The following ITCH variants were observed in gnomAD, a reference collection of about 807,000 sequenced individuals.
ITCH encodes itchy E3 ubiquitin protein ligase.
Under a neutral mutation model 126.8 loss-of-function variants are expected in ITCH, and 28 were observed. The ratio of observed to expected loss-of-function variants is 0.22; its 90% confidence interval spans 0.16 to 0.30. The LOEUF (loss-of-function observed/expected upper bound fraction) is 0.30. ITCH is among the 10% of genes least tolerant of loss of function. ITCH has a pLI of 1.00. For missense variants in ITCH, 631 were observed against 1,032.4 expected, an observed-to-expected ratio of 0.61 and a Z score of 5.33; for synonymous variants, 342 against 340.0, an observed-to-expected ratio of 1.01 and a Z score of -0.06.
chr20:34,405,705 A>G, intron 3 of ITCH, among the ~76,000 whole-genome samples: 1 of 152,208 alleles, frequency 6.6e-6, no homozygotes, highest in South Asian at 2.1e-4. Context: ...AAAAGTAGAA[A>G]TTTTATGTTT....
rs60272162 is a variant in ITCH, at chr20:34,416,911, C to CTT, written c.475+3046_475+3047dup. 6.0e-3 allele frequency among the ~76,000 whole-genome samples: 799 copies of CTT among 132,390 alleles called. 8 individuals are homozygous for CTT. The highest frequency in any genetic ancestry group is 8.0e-3 in the Non-Finnish European group (504 of 62,944). The allele number at this position is 132,390 out of a possible 152,430, so 86.9% of individuals were successfully genotyped here. ...GAGGTCTTCCTAGACCTCTTCCTAG[C>CTT]TTTTTTTTTTTTTTTGAGACGGAGT... On this transcript the variant is annotated intron_variant, in intron 6 of 24. Coordinates refer to ENST00000374864, the MANE Select transcript of ITCH (RefSeq NM_031483.7).
At chr20:34,441,100 A>G (rs56407288) in intron 9 of ITCH, among the ~76,000 whole-genome samples, 2 of 151,794 alleles carry the variant, frequency 1.3e-5, no homozygotes, top group African/African-American at 4.8e-5. Flanking sequence ...CTGAAACCCC[A>G]TCTCTACTAA....
chr20:34,385,872 G>A (rs1033096813), intron 2 of ITCH, among the ~76,000 whole-genome samples: 1 of 152,138 alleles, frequency 6.6e-6, no homozygotes, highest in African/African-American at 2.4e-5. Flanking sequence ...GGTAGAGAAT[G>A]GTTCATATTC....
intron 2 of ITCH, among the ~76,000 whole-genome samples, chr20:34,377,231 G>A (rs780853338): frequency 3.3e-5 from 5 of 152,034 alleles, no homozygotes; most frequent in East Asian, 1.9e-4. Flanking sequence ...AAAATTAGCC[G>A]GGTGTGGTGT....
intron 12 of ITCH, among the ~76,000 whole-genome samples, chr20:34,455,667 G>A (rs912189683): frequency 4.0e-5 from 6 of 150,570 alleles, no homozygotes; most frequent in Non-Finnish European, 5.9e-5. Context: ...TAGTAGAGAC[G>A]GGGTTTCACC....
At chr20:34,413,657 A>AT (rs1979383433) in intron 5 of ITCH, 85 bp from the exon 6 acceptor site, 2 of 1,267,538 alleles carry the variant, frequency 1.6e-6, no homozygotes, top group South Asian at 2.9e-5. Context: ...CGGACATCAC[A>AT]TTTTTAACAG....
chr20:34,450,986 G>A (rs1173521463), intron 12 of ITCH: 2 of 152,114 alleles, frequency 1.3e-5, no homozygotes, highest in African/African-American at 4.8e-5. Flanking sequence ...ATAACAACAG[G>A]AGGACATATG....
chr20:34,437,589 G>A (rs892692875), intron 7 of ITCH, among the ~76,000 whole-genome samples: 2 of 152,194 alleles, frequency 1.3e-5, no homozygotes, highest in East Asian at 3.8e-4. Flanking sequence ...TTACAAGCGT[G>A]AGCCACAGCA....
chr20:34,415,905 C>T (rs1236741423), intron 6 of ITCH, among the ~76,000 whole-genome samples: 4 of 151,334 alleles, frequency 2.6e-5, no homozygotes, highest in African/African-American at 7.3e-5. Context: ...GGGCTGATCA[C>T]GAGGTCAGGA....
chr20:34,387,691 A>C (rs952795503), intron 2 of ITCH, among the ~76,000 whole-genome samples: 3 of 144,298 alleles, frequency 2.1e-5, no homozygotes, highest in African/African-American at 7.7e-5. Context: ...GAGTTTTAAA[A>C]TATTGTTACT....
chr20:34,454,082 C>T (rs1184016625), intron 12 of ITCH, among the ~76,000 whole-genome samples: 2 of 151,802 alleles, frequency 1.3e-5, no homozygotes, highest in Non-Finnish European at 2.9e-5. Context: ...AAGACATGAA[C>T]TTATCTTGCT....
intron 3 of ITCH, chr20:34,402,155 C>T: frequency 8.6e-7 from 1 of 1,164,264 alleles, no homozygotes; most frequent in South Asian, 1.2e-5. Flanking sequence ...TTCCTAGCAG[C>T]ACACATATGC....
At chr20:34,500,479 C>T (rs1400638122) in intron 23 of ITCH, among the ~76,000 whole-genome samples, 3 of 152,116 alleles carry the variant, frequency 2.0e-5, no homozygotes, top group African/African-American at 4.8e-5. Context: ...ATATGTATAG[C>T]TACTCCTGCT....
chr20:34,482,133 C>G (rs1281667175), intron 20 of ITCH, among the ~76,000 whole-genome samples: 4 of 152,240 alleles, frequency 2.6e-5, no homozygotes, highest in African/African-American at 7.2e-5. Context: ...CACTGATTCT[C>G]TCTTACAACA....
intron 2 of ITCH, among the ~76,000 whole-genome samples, chr20:34,381,859 G>A (rs1226190637): frequency 1.4e-5 from 2 of 143,672 alleles, no homozygotes; most frequent in African/African-American, 5.2e-5. Flanking sequence ...GCAAGTCCCT[G>A]TCTCTAAAAA....
chr20:34,415,967 T>C (rs1025168532), intron 6 of ITCH, among the ~76,000 whole-genome samples: 6 of 149,384 alleles, frequency 4.0e-5, no homozygotes, highest in East Asian at 2.0e-4. Flanking sequence ...ACTAAAAATA[T>C]AAAAATTAGC....
At chr20:34,391,558 T>C (rs2038491305) in intron 2 of ITCH, among the ~76,000 whole-genome samples, 1 of 152,240 alleles carries the variant, frequency 6.6e-6, no homozygotes, top group African/African-American at 2.4e-5. Flanking sequence ...ATTTAATATA[T>C]GAATATGCCA....
Position 34,456,180 on chromosome 20 carries a change from GTGTGTATATATATATA to G in ITCH, c.1211-1208_1211-1193del, listed in dbSNP as rs796332586. On this transcript the variant is annotated intron_variant, in intron 12 of 24. Coordinates refer to ENST00000374864, the MANE Select transcript of ITCH (RefSeq NM_031483.7). Reference sequence around the variant, plus strand: ...ATATTGTGTGTGTGTGTGTGTGTGTGTGTGTATATATATATATATATATATATATATATATTTTTTT... The same window carrying G: ...ATATTGTGTGTGTGTGTGTGTGTGTGTATATATATATATATATATTTTTTT... Among the ~76,000 whole-genome samples the G allele has an allele frequency of 9.1e-3, 403 of 44,102 alleles. 2 individuals are homozygous for G. Among genetic ancestry groups the G allele is most frequent in the Middle Eastern group, 0.028 (2 of 72 alleles). 28.9% of individuals were successfully genotyped at this position (44,102 alleles called of 152,430 possible).
chr20:34,442,028 A>G, intron 9 of ITCH, 180 bp from the exon 10 acceptor site: 1 of 635,994 alleles, frequency 1.6e-6, no homozygotes, highest in East Asian at 2.9e-5. Context: ...ACTGTGTGCC[A>G]CTGCCTGAAG....
Sources: allele counts gnomAD v4.1 joint callset (sites outside exome capture counted in the v4.1 genomes callset), GRCh38; gene constraint gnomAD v4.1.1; transcripts MANE v1.5; gene names NCBI Gene and HGNC (gene_info 2026-07-23, HGNC 2026-07-21).